The following TGFBR3 variants were observed in gnomAD, a reference collection of about 807,000 sequenced individuals.
The protein encoded by TGFBR3 is transforming growth factor beta receptor 3.
A neutral mutation model predicts 87.9 loss-of-function variants in TGFBR3; 46 were observed. The observed-to-expected ratio is 0.52, with a 90% CI of 0.41 to 0.67. The LOEUF (loss-of-function observed/expected upper bound fraction) is 0.67. Ranked by LOEUF, TGFBR3 falls within the 30% of genes least tolerant of loss-of-function variation. The pLI is 0.00. For missense variants in TGFBR3, 866 were observed against 1,041.9 expected (o/e 0.83, Z 2.32); for synonymous variants, 381 against 391.6 (o/e 0.97, Z 0.32).
chr1:91,804,128 T>C (rs898360154), intron 2 of TGFBR3, among the ~76,000 whole-genome samples: 5 of 152,160 alleles, frequency 3.3e-5, no homozygotes, highest in Non-Finnish European at 7.3e-5. Flanking sequence ...TCAGACTTCC[T>C]GCTTTCACTC....
intron 1 of TGFBR3, among the ~76,000 whole-genome samples, 190 bp downstream of exon 1, chr1:91,885,688 C>T (rs1395780371): frequency 6.6e-6 from 1 of 152,176 alleles, no homozygotes; most frequent in African/African-American, 2.4e-5. Context: ...GCCACCGGTG[C>T]CTGCTCCCCG....
At chr1:91,751,952 A>G (rs1017397155) in intron 4 of TGFBR3, among the ~76,000 whole-genome samples, 2 of 152,196 alleles carry the variant, frequency 1.3e-5, no homozygotes, top group African/African-American at 4.8e-5. Flanking sequence ...CACAGAGTTT[A>G]AAAGCTGGGA....
intron 4 of TGFBR3, among the ~76,000 whole-genome samples, chr1:91,736,942 G>A (rs541482777): frequency 2.6e-5 from 4 of 152,262 alleles, no homozygotes; most frequent in East Asian, 3.9e-4. Flanking sequence ...ATGTCACACT[G>A]GTGCATTCCA....
rs140877088 is a variant in TGFBR3 at position 91,682,595 on chromosome 1, T to C, written c.*1144A>G. ...GCCCTTTTCCAATCTCAGCACTGTC[T>C]TGGTGGAATTGGTGACACTATTCAG... On this transcript the variant is annotated 3_prime_UTR_variant, in exon 17 of 17. Coordinates refer to ENST00000212355, the MANE Select transcript of TGFBR3 (RefSeq NM_003243.5). 2.0e-4 allele frequency: 92 copies of C among 453,974 alleles called. No individual in the cohort carries two copies. The East Asian group carries it at 5.4e-3, about 27-fold the overall frequency. The allele number at this position is 453,974 out of a possible 1,614,324, so 28.1% of individuals were successfully genotyped here. A position where few individuals can be genotyped will look rare whatever the true frequency, so the allele number is the denominator to read the frequency against.
rs1301061248 is a variant in TGFBR3 at position 91,819,406 on chromosome 1, G to T, written c.62-21935C>A. On this transcript the variant is annotated intron_variant, in intron 2 of 16. Coordinates refer to ENST00000212355, the MANE Select transcript of TGFBR3 (RefSeq NM_003243.5). ...ATCCCGACCATCATCCCACTCCACT[G>T]ACCTTGTAAGCGAGGCCACTCCTCA... 2.0e-5 allele frequency among the ~76,000 whole-genome samples: 3 copies of T among 151,392 alleles called. No homozygotes were observed. In the East Asian group the frequency reaches 5.8e-4, roughly 29 times the overall value.
At chr1:91,841,316 A>G (rs1056589497) in intron 2 of TGFBR3, among the ~76,000 whole-genome samples, 4 of 152,192 alleles carry the variant, frequency 2.6e-5, no homozygotes, top group African/African-American at 9.6e-5. Context: ...CTCCCATTTT[A>G]CCATATAGAA....
chr1:91,748,067 C>A (rs1430930407), intron 4 of TGFBR3, among the ~76,000 whole-genome samples: 1 of 152,206 alleles, frequency 6.6e-6, no homozygotes. Flanking sequence ...CCAGGAACCA[C>A]AGACCTAACA....
chr1:91,874,232 AG>A (rs1309131576), intron 1 of TGFBR3, among the ~76,000 whole-genome samples: 3 of 152,202 alleles, frequency 2.0e-5, no homozygotes, highest in African/African-American at 7.2e-5. Flanking sequence ...GTTTTGAGTA[AG>A]GACCTAACAG....
chr1:91,780,612 T>C (rs1478487267), intron 3 of TGFBR3, among the ~76,000 whole-genome samples: 1 of 137,950 alleles, frequency 7.2e-6, no homozygotes, highest in East Asian at 2.1e-4. Flanking sequence ...CAGGCTGGAG[T>C]GCAATGGCAT....
chr1:91,789,123 C>T lies in TGFBR3; in HGVS notation c.246+8164G>A, dbSNP rs552486672. 1.5e-3 allele frequency among the ~76,000 whole-genome samples: 223 copies of T among 152,258 alleles called. 1 individual carries two copies. The highest frequency in any genetic ancestry group is 5.3e-3 in the African/African-American group (219 of 41,552). ...CCATCCTGGCCAACATGGTGAAACC[C>T]CGTCTCTACTAAAACTCTACTAAAA... On this transcript the variant is annotated intron_variant, in intron 3 of 16. Coordinates refer to ENST00000212355, the MANE Select transcript of TGFBR3 (RefSeq NM_003243.5).
At chr1:91,893,059 T>C (rs1043819378) in intron 2 of TGFBR3, among the ~76,000 whole-genome samples, 2 of 152,196 alleles carry the variant, frequency 1.3e-5, no homozygotes, top group African/African-American at 2.4e-5. Context: ...TCTAAAAATA[T>C]CTAAATTTAA....
intron 4 of TGFBR3, among the ~76,000 whole-genome samples, chr1:91,747,902 T>C (rs1673401363): frequency 6.6e-6 from 1 of 152,238 alleles, no homozygotes; most frequent in Non-Finnish European, 1.5e-5. Context: ...TTGATTGCCC[T>C]GCCTGTCCCC....
chr1:91,748,933 C>T (rs1411406286), intron 4 of TGFBR3, among the ~76,000 whole-genome samples: 3 of 152,050 alleles, frequency 2.0e-5, no homozygotes, highest in Non-Finnish European at 4.4e-5. Flanking sequence ...TGTAAGTACT[C>T]AGAAGAGTAC....
intron 16 of TGFBR3, among the ~76,000 whole-genome samples, chr1:91,690,807 A>G (rs1671238154): frequency 6.6e-6 from 1 of 152,216 alleles, no homozygotes; most frequent in Non-Finnish European, 1.5e-5. Context: ...GAAAGATCCA[A>G]TGATGAGGTA....
chr1:91,878,764 C>T (rs1278900878), intron 1 of TGFBR3, among the ~76,000 whole-genome samples: 1 of 152,180 alleles, frequency 6.6e-6, no homozygotes, highest in Non-Finnish European at 1.5e-5. Context: ...AAAAACCTGA[C>T]CTTCGGCATA....
At chr1:91,764,376 G>A (rs532137491) in intron 3 of TGFBR3, among the ~76,000 whole-genome samples, 115 of 139,616 alleles carry the variant, frequency 8.2e-4, no homozygotes, top group Non-Finnish European at 1.3e-3. Flanking sequence ...GCAGAAATAA[G>A]CTCTGCTCCA....
intron 1 of TGFBR3, among the ~76,000 whole-genome samples, chr1:91,884,196 T>TA (rs146891649): frequency 0.52 from 77,860 of 151,068 alleles, 20,825 homozygotes; most frequent in Middle Eastern, 0.61. Context: ...AGCGCGCGCC[T>TA]GTAGTCCCAG....
chr1:91,861,121 G>A (rs1012556963), intron 2 of TGFBR3, among the ~76,000 whole-genome samples: 1 of 151,916 alleles, frequency 6.6e-6, no homozygotes, highest in South Asian at 2.1e-4. Context: ...GTAAATACAG[G>A]TCAGGCACAG....
intron 2 of TGFBR3, among the ~76,000 whole-genome samples, chr1:91,814,776 G>A (rs1045977160): frequency 2.6e-5 from 4 of 152,180 alleles, no homozygotes; most frequent in Admixed American, 6.5e-5. Context: ...ATTTCAGGGA[G>A]CCAAAACAGA....
Sources: gnomAD v4.1 joint callset for allele counts (sites outside exome capture counted in the v4.1 genomes callset) on GRCh38, gnomAD v4.1.1 for gene constraint, MANE v1.5 for transcripts, NCBI Gene and HGNC (gene_info 2026-07-23, HGNC 2026-07-21) for gene names.